Variants in CUL3 observed in about 807,000 individuals in gnomAD.
CUL3 encodes the protein cullin 3, also known as cullin-3.
Under a neutral mutation model 89.1 loss-of-function variants are expected in CUL3, and 19 were observed. That is an observed-to-expected ratio of 0.21 (90% CI 0.15 to 0.31). The LOEUF (loss-of-function observed/expected upper bound fraction) is 0.31, where lower values mean the gene tolerates loss of function less well. CUL3 is among the 10% of genes least tolerant of loss of function. CUL3 has a pLI of 1.00. For synonymous variants in CUL3, 351 were observed against 308.4 expected (o/e 1.14, Z -1.45); for missense variants, 469 against 942.3 (o/e 0.50, Z 6.58).
chr2:224,584,287 C>G (rs1026828107), intron 1 of CUL3, among the ~76,000 whole-genome samples: 17 of 151,394 alleles, frequency 1.1e-4, no homozygotes, highest in Admixed American at 4.0e-4. Flanking sequence ...GCTTCCCCCC[C>G]ACCCGGCCTT....
At chr2:224,565,892 C>CCTGAA in intron 1 of CUL3, among the ~76,000 whole-genome samples, 1 of 152,298 alleles carries the variant, frequency 6.6e-6, no homozygotes, top group African/African-American at 2.4e-5. Context: ...AATAATGTAT[C>CCTGAA]ATTTCAGGCT....
At chr2:224,508,937 G>A (rs916429324) in intron 6 of CUL3, among the ~76,000 whole-genome samples, 3 of 133,770 alleles carry the variant, frequency 2.2e-5, no homozygotes, top group Non-Finnish European at 4.6e-5. Flanking sequence ...ACTCCAGCCT[G>A]GGCGACAGAG....
rs1691222890 is a variant in CUL3, at chr2:224,473,994, A to C, written c.*251T>G. 9.5e-6 allele frequency: 3 copies of C among 317,294 alleles called. No individual in the cohort carries two copies. The highest frequency in any genetic ancestry group is 1.7e-5 in the Non-Finnish European group (3 of 173,022). 19.7% of individuals were successfully genotyped at this position (317,294 alleles called of 1,614,324 possible). A position where few individuals can be genotyped will look rare whatever the true frequency, so the allele number is the denominator to read the frequency against. On this transcript the variant is annotated 3_prime_UTR_variant, in exon 16 of 16. Transcript: ENST00000264414. ...GTTTTCATACAGTAAAGAAAACAAA[A>C]CGCAGCACATTCACATTTTCCCGAG... is the stretch of plus-strand genomic sequence containing the variant.
At chr2:224,527,946 C>G (rs993403436) in intron 3 of CUL3, among the ~76,000 whole-genome samples, 1 of 152,164 alleles carries the variant, frequency 6.6e-6, no homozygotes, top group Non-Finnish European at 1.5e-5. Flanking sequence ...AGGCTAAGTA[C>G]CCTGGAAAAA....
intron 2 of CUL3, among the ~76,000 whole-genome samples, chr2:224,551,017 T>C (rs1694492504): frequency 6.6e-6 from 1 of 151,994 alleles, no homozygotes; most frequent in South Asian, 2.1e-4. Context: ...TCCCTACTTA[T>C]GATGGGATTT....
At chr2:224,564,989 T>A in intron 1 of CUL3, among the ~76,000 whole-genome samples, 1 of 152,210 alleles carries the variant, frequency 6.6e-6, no homozygotes, top group African/African-American at 2.4e-5. Flanking sequence ...ACTACTGACA[T>A]TAACCCCAAG....
chr2:224,521,194 T>C (rs547527822), intron 3 of CUL3, among the ~76,000 whole-genome samples: 1 of 152,292 alleles, frequency 6.6e-6, no homozygotes, highest in Non-Finnish European at 1.5e-5. Flanking sequence ...GCAAAATCAA[T>C]GGTGCACCCA....
chr2:224,578,325 A>G (rs1695356129), intron 1 of CUL3, among the ~76,000 whole-genome samples: 2 of 152,286 alleles, frequency 1.3e-5, no homozygotes, highest in South Asian at 4.1e-4. Flanking sequence ...AATTTACAGT[A>G]AGAAATTTTT....
At chr2:224,515,959 G>A (rs1440098005) in intron 3 of CUL3, among the ~76,000 whole-genome samples, 1 of 151,942 alleles carries the variant, frequency 6.6e-6, no homozygotes, top group African/African-American at 2.4e-5. Flanking sequence ...CAAAGTGCTG[G>A]GATTACAGGC....
intron 2 of CUL3, 70 bp from the exon 3 acceptor site, chr2:224,535,711 T>C (rs1693874467): frequency 3.5e-6 from 3 of 862,816 alleles, no homozygotes; most frequent in East Asian, 2.5e-5. Flanking sequence ...CATGCACATA[T>C]CTGTTTAATA....
At chr2:224,548,894 T>G (rs947947410) in intron 2 of CUL3, among the ~76,000 whole-genome samples, 7 of 151,828 alleles carry the variant, frequency 4.6e-5, no homozygotes, top group Non-Finnish European at 7.4e-5. Context: ...CCCAGCTATG[T>G]AGGAGGCTGA....
chr2:224,478,826 AG>A (rs1691424196), intron 14 of CUL3: 1 of 152,436 alleles, frequency 6.6e-6, no homozygotes, highest in Non-Finnish European at 1.5e-5. Context: ...GCCAAGATTC[AG>A]TCAGTGAAAT....
intron 13 of CUL3, among the ~76,000 whole-genome samples, chr2:224,486,700 T>C (rs966596068): frequency 1.3e-5 from 2 of 152,076 alleles, no homozygotes; most frequent in Non-Finnish European, 2.9e-5. Flanking sequence ...CACTTCAGGA[T>C]ATTAACCAGG....
chr2:224,519,465 G>GC (rs1693183571), intron 3 of CUL3, among the ~76,000 whole-genome samples: 1 of 152,110 alleles, frequency 6.6e-6, no homozygotes, highest in African/African-American at 2.4e-5. Flanking sequence ...TAAGAGCTAA[G>GC]CCTTTGTCTT....
intron 2 of CUL3, 81 bp downstream of exon 2, chr2:224,557,578 C>T (rs1240829155): frequency 1.0e-6 from 1 of 960,864 alleles, no homozygotes; most frequent in Non-Finnish European, 1.5e-6. Flanking sequence ...AAAAAGAACA[C>T]TTCCGGTCAA....
intron 12 of CUL3, 105 bp from the exon 13 acceptor site, chr2:224,496,071 T>C (rs770646168): frequency 8.4e-5 from 109 of 1,294,506 alleles, no homozygotes; most frequent in Non-Finnish European, 1.1e-4. Context: ...CACTTTGTCA[T>C]CCAGGCTACA....
chr2:224,471,246 C>A lies in CUL3; in HGVS notation c.*2999G>T, dbSNP rs1369482740. On this transcript the variant is annotated 3_prime_UTR_variant, in exon 16 of 16. Transcript: ENST00000264414. ...TTCCTTCCAAGATTGACACAATATA[C>A]CATATACTCTATAAAAAATTATTCT... The A allele has an allele frequency of 4.8e-6, 1 of 207,854 alleles. No homozygotes were observed. The highest frequency in any genetic ancestry group is 9.8e-6 in the Non-Finnish European group (1 of 102,286). 12.9% of individuals were successfully genotyped at this position (207,854 alleles called of 1,614,324 possible). A position where few individuals can be genotyped will look rare whatever the true frequency, so the allele number is the denominator to read the frequency against.
intron 1 of CUL3, among the ~76,000 whole-genome samples, chr2:224,575,468 T>C (rs2068245): frequency 0.028 from 4,275 of 152,198 alleles, 192 homozygotes; most frequent in African/African-American, 0.097. Flanking sequence ...AAGGGGCAAC[T>C]GGTAACATAG....
intron 4 of CUL3, among the ~76,000 whole-genome samples, chr2:224,514,006 A>T (rs1409626290): frequency 6.6e-6 from 1 of 152,238 alleles, no homozygotes; most frequent in Non-Finnish European, 1.5e-5. Flanking sequence ...AACTTTTTGC[A>T]CTACATGGAT....
Sources: gnomAD v4.1 joint callset for allele counts (sites outside exome capture counted in the v4.1 genomes callset) on GRCh38, gnomAD v4.1.1 for gene constraint, MANE v1.5 for transcripts, NCBI Gene and HGNC (gene_info 2026-07-23, HGNC 2026-07-21) for gene names.